SPOCK3: variants seen among roughly 807,000 people sequenced by gnomAD.
SPOCK3 encodes the protein testican-3.
A neutral mutation model predicts 56.6 loss-of-function variants in SPOCK3; 30 were observed. The ratio of observed to expected loss-of-function variants is 0.53; its 90% CI spans 0.40 to 0.72. The LOEUF (loss-of-function observed/expected upper bound fraction) is 0.72. Ranked by LOEUF, SPOCK3 falls within the 30% of genes least tolerant of loss-of-function variation. SPOCK3 has a pLI of 0.00. For synonymous variants in SPOCK3, 196 were observed against 183.3 expected, an observed-to-expected ratio of 1.07 and a Z score of -0.56; for missense variants, 527 against 530.0, an observed-to-expected ratio of 0.99 and a Z score of 0.06.
intron 2 of SPOCK3, among the ~76,000 whole-genome samples, chr4:167,189,260 C>A (rs1053650773): frequency 2.1e-5 from 3 of 145,596 alleles, no homozygotes; most frequent in African/African-American, 7.9e-5. Flanking sequence ...ATTTGAAGTT[C>A]ACTTAAATAT....
Position 166,733,814 on chromosome 4 carries a change from G to A in SPOCK3, c.*1107C>T, listed in dbSNP as rs969988483. ...TAACAATAGAAAAAAAGAAACAAAC[G>A]TATCCCATTTTCTTCATTCCAGCAG... On this transcript the variant is annotated 3_prime_UTR_variant, in exon 11 of 11. Coordinates refer to ENST00000357545, the MANE Select transcript of SPOCK3 (RefSeq NM_001040159.2). 21 of 152,066 alleles carry A rather than the reference G, an allele frequency of 1.4e-4. No individual in the cohort carries two copies. Among genetic ancestry groups the A allele is most frequent in the African/African-American group, 4.1e-4 (17 of 41,354 alleles). 9.4% of individuals were successfully genotyped at this position (152,066 alleles called of 1,614,324 possible).
intron 3 of SPOCK3, among the ~76,000 whole-genome samples, chr4:167,058,687 C>T (rs1255088068): frequency 3.3e-5 from 5 of 152,058 alleles, no homozygotes; most frequent in African/African-American, 7.2e-5. Flanking sequence ...GAGCCCGCAT[C>T]GCCAAGTCAA....
chr4:166,788,692 T>C (rs889940560), intron 7 of SPOCK3, among the ~76,000 whole-genome samples: 2 of 151,648 alleles, frequency 1.3e-5, no homozygotes, highest in Non-Finnish European at 2.9e-5. Context: ...CAAAAAATTA[T>C]AAATGATTTT....
chr4:166,821,121 G>T (rs1293096916), intron 6 of SPOCK3, among the ~76,000 whole-genome samples: 1 of 151,906 alleles, frequency 6.6e-6, no homozygotes, highest in Non-Finnish European at 1.5e-5. Context: ...AAATAATCCA[G>T]TTGAAATAGA....
intron 6 of SPOCK3, among the ~76,000 whole-genome samples, chr4:166,826,649 A>C (rs140193163): frequency 8.5e-5 from 13 of 152,234 alleles, no homozygotes; most frequent in African/African-American, 2.9e-4. Flanking sequence ...CAATAAATAA[A>C]ATTTTTTTTT....
intron 4 of SPOCK3, among the ~76,000 whole-genome samples, chr4:166,926,594 T>G (rs1739135457): frequency 6.6e-6 from 1 of 152,094 alleles, no homozygotes; most frequent in Non-Finnish European, 1.5e-5. Flanking sequence ...TTTGACAGAA[T>G]TTTAAAATGT....
chr4:167,121,102 T>A lies in SPOCK3; in HGVS notation c.190-58565A>T, dbSNP rs890944839. On this transcript the variant is annotated intron_variant, in intron 2 of 10. Transcript: ENST00000357545. ...CAACAATCTAACCTGGGTGTTTTTT[T>A]AAATCTATTTAAAATCAATCATGAA... 3.1e-4 allele frequency among the ~76,000 whole-genome samples: 47 copies of A among 151,836 alleles called. 1 individual carries two copies. The highest frequency in any genetic ancestry group is 1.1e-3 in the African/African-American group (46 of 41,504).
At position 167,137,805 on chromosome 4, in the gene SPOCK3, C is replaced by T. The variant is rs138494171; in HGVS notation, c.190-75268G>A. Reference sequence around the variant, plus strand: ...AGTATGTTTATTTTTCATACTGTTACATTTTAAAATATGCCTAAATTCTGA... The same window carrying T: ...AGTATGTTTATTTTTCATACTGTTATATTTTAAAATATGCCTAAATTCTGA... On this transcript the variant is annotated intron_variant, in intron 2 of 10. Coordinates refer to ENST00000357545, the MANE Select transcript of SPOCK3 (RefSeq NM_001040159.2). 2.1e-3 allele frequency among the ~76,000 whole-genome samples: 316 copies of T among 151,826 alleles called. 2 individuals are homozygous for T. The highest frequency in any genetic ancestry group is 7.2e-3 in the African/African-American group (298 of 41,492).
intron 6 of SPOCK3, among the ~76,000 whole-genome samples, chr4:166,857,902 C>G (rs181676746): frequency 6.6e-6 from 1 of 152,138 alleles, no homozygotes; most frequent in East Asian, 1.9e-4. Context: ...TTCTCCTTTT[C>G]TATGTATCTT....
chr4:167,015,512 T>C (rs1295094858), intron 3 of SPOCK3, among the ~76,000 whole-genome samples: 1 of 152,194 alleles, frequency 6.6e-6, no homozygotes, highest in East Asian at 1.9e-4. Context: ...TGATGTTGCT[T>C]AAATAGAGCT....
chr4:166,766,370 C>T (rs574841243), intron 7 of SPOCK3, among the ~76,000 whole-genome samples: 8 of 152,208 alleles, frequency 5.3e-5, no homozygotes, highest in African/African-American at 1.9e-4. Flanking sequence ...CCATCAATAC[C>T]TAATTTATTG....
intron 3 of SPOCK3, among the ~76,000 whole-genome samples, chr4:167,050,679 T>C (rs1754118030): frequency 6.6e-6 from 1 of 152,046 alleles, no homozygotes; most frequent in Non-Finnish European, 1.5e-5. Context: ...AGAAACAAAA[T>C]GTGGGATATA....
chr4:167,126,340 G>T, intron 2 of SPOCK3, among the ~76,000 whole-genome samples: 1 of 151,646 alleles, frequency 6.6e-6, no homozygotes, highest in Non-Finnish European at 1.5e-5. Context: ...CTGAGGTCAG[G>T]AGTTCGAGAC....
At chr4:166,901,769 A>C (rs1056479963) in intron 5 of SPOCK3, among the ~76,000 whole-genome samples, 8 of 152,098 alleles carry the variant, frequency 5.3e-5, no homozygotes, top group African/African-American at 1.7e-4. Flanking sequence ...CGTGTCCAGG[A>C]GGTTGGTTCT....
rs899411322 is a variant in SPOCK3, at chr4:167,198,866, C to T, written c.189+35119G>A. Reference sequence around the variant, plus strand: ...GGAGCAAAAGTAATAGATTTAAATCCTATTTAATCAGACCTATAATATATG... The same window carrying T: ...GGAGCAAAAGTAATAGATTTAAATCTTATTTAATCAGACCTATAATATATG... On this transcript the variant is annotated intron_variant, in intron 2 of 10. Coordinates refer to ENST00000357545, the MANE Select transcript of SPOCK3 (RefSeq NM_001040159.2). Among the ~76,000 whole-genome samples the T allele has an allele frequency of 3.9e-5, 6 of 152,106 alleles. No homozygotes were observed. In the South Asian group the frequency reaches 8.3e-4, roughly 21 times the overall value.
intron 3 of SPOCK3, among the ~76,000 whole-genome samples, chr4:167,057,146 A>G (rs1754984579): frequency 6.6e-6 from 1 of 152,218 alleles, no homozygotes; most frequent in East Asian, 1.9e-4. Flanking sequence ...ATTCTTAAAG[A>G]AAAGAATTTT....
intron 2 of SPOCK3, among the ~76,000 whole-genome samples, chr4:167,071,423 A>G (rs995518948): frequency 2.0e-5 from 3 of 147,722 alleles, no homozygotes; most frequent in Middle Eastern, 3.5e-3. Flanking sequence ...CCGGTGTGTG[A>G]TGTTCCCCAC....
intron 3 of SPOCK3, among the ~76,000 whole-genome samples, chr4:167,055,239 TAA>T (rs1042102243): frequency 6.6e-6 from 1 of 152,148 alleles, no homozygotes; most frequent in African/African-American, 2.4e-5. Context: ...AATTAAAAAC[TAA>T]AAATGCTCAC....
intron 2 of SPOCK3, among the ~76,000 whole-genome samples, chr4:167,081,429 T>C (rs1041773583): frequency 2.0e-5 from 3 of 152,062 alleles, no homozygotes; most frequent in African/African-American, 7.2e-5. Context: ...CTGTTAACAT[T>C]GTAGAGAGTC....
Sources: gnomAD v4.1 joint callset for allele counts (sites outside exome capture counted in the v4.1 genomes callset) on GRCh38, gnomAD v4.1.1 for gene constraint, MANE v1.5 for transcripts, NCBI Gene and HGNC (gene_info 2026-07-23, HGNC 2026-07-21) for gene names.